Variants in TERB1 observed in about 807,000 individuals in gnomAD.
The protein encoded by TERB1 is telomere repeat binding bouquet formation protein 1.
TERB1 carries 63 observed loss-of-function variants against 92.3 expected under a neutral mutation model. That is an observed-to-expected ratio of 0.68 (90% CI 0.56 to 0.84). The LOEUF (loss-of-function observed/expected upper bound fraction) is 0.84. Ranked by LOEUF, TERB1 falls within the 40% of genes least tolerant of loss-of-function variation. TERB1 has a pLI of 0.00. For missense variants in TERB1, 709 were observed against 843.7 expected, an observed-to-expected ratio of 0.84 and a Z score of 1.98; for synonymous variants, 252 against 283.9, an observed-to-expected ratio of 0.89 and a Z score of 1.13.
intron 18 of TERB1, 150 bp from the exon 19 acceptor site, chr16:66,755,313 C>G: frequency 1.7e-6 from 1 of 602,508 alleles, no homozygotes; most frequent in Non-Finnish European, 2.9e-6. Flanking sequence ...TGGAAACCCA[C>G]TTCAATTTTA....
chr16:66,755,022 T>C lies in TERB1; in HGVS notation c.2138A>G (p.His713Arg). The C allele has an allele frequency of 6.4e-7, 1 of 1,551,500 alleles. No individual in the cohort carries two copies. Among genetic ancestry groups the C allele is most frequent in the Non-Finnish European group, 8.7e-7 (1 of 1,146,950 alleles). Reference protein sequence around the residue: ...QQGRKAVDLAHKYHKLTKHPT... With the variant: ...QQGRKAVDLARKYHKLTKHPT... ...GTGTTTGGTCAGCTTGTGGTATTTG[T>C]GAGCAAGGTCCACAGCCTTCCGTCC... The change falls in exon 19 of 19, where the codon CAC (histidine) becomes CGC (arginine). Residue 713 changes from histidine (H) to arginine (R), a missense_variant. Transcript: ENST00000433154.
intron 16 of TERB1, among the ~76,000 whole-genome samples, chr16:66,766,997 G>T (rs3026079): frequency 0.012 from 1,750 of 152,090 alleles, 42 homozygotes; most frequent in African/African-American, 0.04. Flanking sequence ...TTCTCCAAAG[G>T]GAACAAAGTA....
intron 16 of TERB1, among the ~76,000 whole-genome samples, chr16:66,760,558 C>A (rs1194329392): frequency 1.6e-5 from 2 of 122,342 alleles, no homozygotes; most frequent in Non-Finnish European, 3.3e-5. Flanking sequence ...GAGGCTGAGG[C>A]GGGCTGATCA....
Position 66,770,118 on chromosome 16 carries a change from A to C in TERB1, c.1464T>G (p.Asp488Glu), listed in dbSNP as rs1567469180. 1 of 1,552,246 alleles carries C rather than the reference A, an allele frequency of 6.4e-7. No homozygotes were observed. The highest frequency in any genetic ancestry group is 2.4e-5 in the East Asian group (1 of 40,912). ...HGVMSKACTN[D>E]DQMKTPLKSA... ...TCTTTAACGGTGTCTTCATTTGGTCATCATTTGTACATGCTTTAGACATGA... is the reference window on the plus strand; with the variant it reads ...TCTTTAACGGTGTCTTCATTTGGTCCTCATTTGTACATGCTTTAGACATGA... The change falls in exon 14 of 19, where the codon GAT (aspartate) becomes GAG (glutamate). Residue 488 changes from aspartate to glutamate, a missense_variant. Physicochemically the swap from Asp to Glu is conservative, Grantham distance 45 (BLOSUM62 2). Transcript: ENST00000433154.
chr16:66,800,392 GT>G (rs537071270), intron 2 of TERB1, among the ~76,000 whole-genome samples: 1,648 of 92,850 alleles, frequency 0.018, 13 homozygotes, highest in Non-Finnish European at 0.023. Context: ...AATAAAGAAA[GT>G]TTTTTTTTTT....
chr16:66,788,897 G>A (rs1183609999), intron 5 of TERB1, among the ~76,000 whole-genome samples: 1 of 150,390 alleles, frequency 6.6e-6, no homozygotes, highest in African/African-American at 2.4e-5. Context: ...GCCAGGCACA[G>A]AAAGACAAAC....
intron 16 of TERB1, 40 bp downstream of exon 16, chr16:66,767,375 G>A: frequency 8.7e-7 from 1 of 1,152,272 alleles, no homozygotes; most frequent in Non-Finnish European, 1.2e-6. Flanking sequence ...ATCATAAAAG[G>A]CTTTGACTGT....
chr16:66,768,630 C>T (rs145090173), intron 14 of TERB1, among the ~76,000 whole-genome samples: 4 of 152,268 alleles, frequency 2.6e-5, no homozygotes, highest in African/African-American at 9.6e-5. Context: ...ATTATACTGT[C>T]ACAATGATTA....
At chr16:66,773,829 T>C (rs1369772608) in intron 12 of TERB1, among the ~76,000 whole-genome samples, 1 of 152,146 alleles carries the variant, frequency 6.6e-6, no homozygotes, top group Admixed American at 6.6e-5. Flanking sequence ...CATCACTGTA[T>C]CCCTGATGTC....
chr16:66,794,922 A>AC (rs1555509876), intron 3 of TERB1, among the ~76,000 whole-genome samples: 154 of 146,236 alleles, frequency 1.1e-3, no homozygotes, highest in South Asian at 2.2e-3. Context: ...AAAAAAAAAA[A>AC]ACACACACAC....
Position 66,755,141 on chromosome 16 carries a change from GT to G in TERB1, c.2018del (p.Asn673ThrfsTer7), listed in dbSNP as rs2018115853. On this transcript the variant is annotated frameshift_variant, in exon 19 of 19. Transcript: ENST00000433154. LOFTEE classifies it high-confidence loss of function. ...GGTAATTTACTTCTTCTTCAGTAAA[GT>G]TTTTGCGAATTCTTCTTTTTTCTAT... ...GGIKKRRIRK[N>X]FTEEEVNYLF... The G allele has an allele frequency of 1.9e-6, 3 of 1,544,680 alleles. No individual in the cohort carries two copies.
At position 66,786,281 on chromosome 16, in the gene TERB1, G is replaced by C; in HGVS notation, c.405C>G (p.Thr135=). The change falls in exon 7 of 19, where the codon ACC becomes ACG. Residue 135 remains threonine, a synonymous_variant. Transcript: ENST00000433154. ...VILVLVSNNR[T]GQTLVRETGC... ...CTGTTTCTCTCACAAGTGTTTGTCC[G>C]GTCCCTTAAAAAAATAGCCATATAA... is the stretch of plus-strand genomic sequence containing the variant. The C allele has an allele frequency of 6.5e-7, 1 of 1,543,058 alleles. No individual in the cohort carries two copies. The highest frequency in any genetic ancestry group is 1.4e-5 in the African/African-American group (1 of 72,812).
chr16:66,799,448 G>C (rs12445510), intron 2 of TERB1, among the ~76,000 whole-genome samples: 45,948 of 151,988 alleles, frequency 0.3, 8,202 homozygotes, highest in East Asian at 0.6. Flanking sequence ...CGCTGGTCTC[G>C]AACTCCTGAT....
chr16:66,777,267 T>G lies in TERB1; in HGVS notation c.921A>C (p.Glu307Asp). 6.4e-7 allele frequency: 1 copy of G among 1,550,880 alleles called. No individual in the cohort carries two copies. The highest frequency in any genetic ancestry group is 8.7e-7 in the Non-Finnish European group (1 of 1,146,320). ...TAAATTTTTCTCCTGAATCCAGACT[T>G]TCATGAAGCAGTAATGCCAGAAGTT... ...VSKLLALLLH[E>D]SLDSGEKFSI... The change falls in exon 11 of 19, where the codon GAA (glutamate) becomes GAC (aspartate). Residue 307 changes from glutamate to aspartate, a missense_variant. Physicochemically the swap from Glu to Asp is conservative, Grantham distance 45. Transcript: ENST00000433154.
chr16:66,799,524 G>C (rs543546145), intron 2 of TERB1, among the ~76,000 whole-genome samples: 1 of 152,010 alleles, frequency 6.6e-6, no homozygotes, highest in East Asian at 1.9e-4. Flanking sequence ...CACCGTGCCT[G>C]GCCTAAGAGG....
Position 66,778,977 on chromosome 16 carries a change from C to A in TERB1, c.739G>T (p.Asp247Tyr), listed in dbSNP as rs1156335972. 2.0e-6 allele frequency: 3 copies of A among 1,528,332 alleles called. No individual in the cohort carries two copies. The East Asian group carries it at 7.4e-5, about 38-fold the overall frequency. 94.7% of individuals were successfully genotyped at this position (1,528,332 alleles called of 1,614,324 possible). A position where few individuals can be genotyped will look rare whatever the true frequency, so the allele number is the denominator to read the frequency against. The change falls in exon 10 of 19, where the codon GAT becomes TAT. Residue 247 changes from aspartate (D) to tyrosine (Y), a missense_variant. Coordinates refer to ENST00000433154, the MANE Select transcript of TERB1 (RefSeq NM_001136505.2). ...QKYFVSVGGLDVLSQVLMQLE... is the reference protein window; with the variant it reads ...QKYFVSVGGLYVLSQVLMQLE... ...TGCATGAGAACTTGAGACAATACAT[C>A]CAGTCCGCCCACAGATACGAAGTAT...
intron 3 of TERB1, among the ~76,000 whole-genome samples, chr16:66,792,442 G>C (rs1210129543): frequency 1.3e-5 from 2 of 152,074 alleles, no homozygotes; most frequent in Non-Finnish European, 2.9e-5. Flanking sequence ...CGTCAGGTAA[G>C]AAAAAAGAAA....
intron 2 of TERB1, among the ~76,000 whole-genome samples, chr16:66,799,321 G>A (rs773055164): frequency 5.9e-5 from 9 of 152,038 alleles, no homozygotes; most frequent in African/African-American, 7.3e-5. Flanking sequence ...TCCACCTCCC[G>A]GGTTCAAGCA....
rs1371269191 is a variant in TERB1, at chr16:66,767,513, G to GA, written c.1685-4dup. Reference sequence around the variant, plus strand: ...ATCTGAACATAATGTAAATGGATCTGAAAAAAATTGCAAAATGAAGGATTT... The same window carrying GA: ...ATCTGAACATAATGTAAATGGATCTGAAAAAAAATTGCAAAATGAAGGATTT... On this transcript the variant is annotated splice_polypyrimidine_tract_variant and splice_region_variant and intron_variant, in intron 15 of 18. Coordinates refer to ENST00000433154, the MANE Select transcript of TERB1 (RefSeq NM_001136505.2). 1.8e-5 allele frequency: 24 copies of GA among 1,369,974 alleles called. No individual in the cohort carries two copies. In the African/African-American group the frequency reaches 1.8e-4, roughly 10 times the overall value. 84.9% of individuals were successfully genotyped at this position (1,369,974 alleles called of 1,614,324 possible).
Sources: allele counts gnomAD v4.1 joint callset (sites outside exome capture counted in the v4.1 genomes callset), GRCh38; gene constraint gnomAD v4.1.1; transcripts MANE v1.5; gene names NCBI Gene and HGNC (gene_info 2026-07-23, HGNC 2026-07-21).